The following TCEA1 variants were observed in gnomAD, a reference collection of about 807,000 sequenced individuals.
The protein encoded by TCEA1 is transcription elongation factor A1.
Under a neutral mutation model 43.8 loss-of-function variants are expected in TCEA1, and 21 were observed. The observed-to-expected ratio is 0.48, with a 90% CI of 0.34 to 0.69. The LOEUF (loss-of-function observed/expected upper bound fraction) is 0.69. Ranked by LOEUF, TCEA1 falls within the 30% of genes least tolerant of loss-of-function variation. TCEA1 has a pLI of 0.01. For synonymous variants in TCEA1, 104 were observed against 117.5 expected (o/e 0.88, Z 0.75); for missense variants, 250 against 365.1 (o/e 0.68, Z 2.57).
At chr8:53,986,308 C>T (rs976535191) in intron 6 of TCEA1, among the ~76,000 whole-genome samples, 1 of 152,174 alleles carries the variant, frequency 6.6e-6, no homozygotes, top group African/African-American at 2.4e-5. Flanking sequence ...CCTCAGCTAG[C>T]CTGTGATGAA....
At chr8:53,993,645 T>C (rs752297173) in intron 4 of TCEA1, 23 bp downstream of exon 4, 26 of 1,569,626 alleles carry the variant, frequency 1.7e-5, no homozygotes, top group Non-Finnish European at 2.1e-5. Flanking sequence ...TCAATATAAA[T>C]ATATGTCTAT....
chr8:54,004,503 T>G (rs1279360011), intron 2 of TCEA1, among the ~76,000 whole-genome samples: 1 of 152,192 alleles, frequency 6.6e-6, no homozygotes, highest in African/African-American at 2.4e-5. Flanking sequence ...AACATTAAGC[T>G]AAGTGACAGA....
chr8:54,012,506 C>G (rs1183866797), intron 1 of TCEA1, among the ~76,000 whole-genome samples: 1 of 152,180 alleles, frequency 6.6e-6, no homozygotes, highest in African/African-American at 2.4e-5. Flanking sequence ...TTGCAGTGAG[C>G]CGAGATCGCG....
intron 3 of TCEA1, among the ~76,000 whole-genome samples, chr8:53,996,545 C>A (rs748755533): frequency 1.2e-4 from 19 of 152,054 alleles, no homozygotes; most frequent in Non-Finnish European, 1.9e-4. Context: ...ATCTAGCTAA[C>A]AATGTAAAGA....
chr8:53,986,435 A>C (rs765930365), intron 6 of TCEA1, among the ~76,000 whole-genome samples: 15 of 152,256 alleles, frequency 9.9e-5, no homozygotes, highest in Non-Finnish European at 1.6e-4. Flanking sequence ...CTGTCCTGCC[A>C]AGTACATAAA....
intron 2 of TCEA1, among the ~76,000 whole-genome samples, chr8:54,002,231 G>C (rs1804292724): frequency 2.0e-5 from 3 of 151,950 alleles, no homozygotes; most frequent in Admixed American, 2.0e-4. Context: ...CAGCACTCTG[G>C]GAGGCCGAGG....
intron 2 of TCEA1, among the ~76,000 whole-genome samples, chr8:54,001,705 G>A (rs1804269655): frequency 6.6e-6 from 1 of 152,154 alleles, no homozygotes; most frequent in African/African-American, 2.4e-5. Context: ...GTGTACTGCT[G>A]GGTGATTGCT....
intron 8 of TCEA1, chr8:53,973,233 A>G: frequency 2.1e-6 from 1 of 475,098 alleles, no homozygotes. Flanking sequence ...CAAGAAAAAG[A>G]AAAGAAAGAC....
At chr8:54,010,520 A>T in intron 1 of TCEA1, 28 bp from the exon 2 acceptor site, 2 of 1,536,858 alleles carry the variant, frequency 1.3e-6, no homozygotes, top group Non-Finnish European at 1.8e-6. Flanking sequence ...TTCATATTGA[A>T]TTCCCAAGAT....
In TCEA1 at chr8:54,022,273, G is replaced by C. The variant is rs1447744077; in HGVS notation, c.-148C>G. On this transcript the variant is annotated 5_prime_UTR_variant, in exon 1 of 10. Coordinates refer to ENST00000521604, the MANE Select transcript of TCEA1 (RefSeq NM_006756.4). ...CTAGGCCCCCTTCCTTACGAACGAA[G>C]CCCGCGGCGGCGGCGGCGGCGGCGG... 1 of 998,204 alleles carries C rather than the reference G, an allele frequency of 1.0e-6. No homozygotes were observed. Among genetic ancestry groups the C allele is most frequent in the Non-Finnish European group, 1.5e-6 (1 of 677,730 alleles). The allele number at this position is 998,204 out of a possible 1,614,324, so 61.8% of individuals were successfully genotyped here.
intron 2 of TCEA1, among the ~76,000 whole-genome samples, chr8:54,005,614 C>A (rs1804413079): frequency 7.5e-6 from 1 of 133,282 alleles, no homozygotes; most frequent in African/African-American, 2.5e-5. Flanking sequence ...CTCAGTCATC[C>A]TAAATTCCTC....
In TCEA1 at chr8:53,993,715, T is replaced by C. The variant is rs1332942367; in HGVS notation, c.273A>G (p.Lys91=). 1.4e-5 allele frequency: 23 copies of C among 1,613,764 alleles called. No individual in the cohort carries two copies. The highest frequency in any genetic ancestry group is 1.8e-5 in the Non-Finnish European group (21 of 1,179,838). Residue 91 remains lysine (K), a synonymous_variant, in exon 4 of 10, where the codon AAA becomes AAG. Coordinates refer to ENST00000521604, the MANE Select transcript of TCEA1 (RefSeq NM_006756.4). ...STEKDLDEKK[K]EPAITSQNSP... Reference sequence around the variant, plus strand: ...TGTTCTGCGATGTAATTGCAGGTTCTTTCTTCTTTTCGTCAAGGTCTTTCT... The same window carrying C: ...TGTTCTGCGATGTAATTGCAGGTTCCTTCTTCTTTTCGTCAAGGTCTTTCT...
rs574899519 is a variant in TCEA1 at position 53,993,759 on chromosome 8, A to G, written c.233-4T>C. ...TCTTTCTCAGTTGATGGCCCATCTG[A>G]AAATTATGAAATCTCTTAAGTTGCT... On this transcript the variant is annotated splice_polypyrimidine_tract_variant and splice_region_variant and intron_variant, in intron 3 of 9. Coordinates refer to ENST00000521604, the MANE Select transcript of TCEA1 (RefSeq NM_006756.4). The G allele has an allele frequency of 4.2e-5, 67 of 1,607,992 alleles. 1 individual carries two copies. In the South Asian group the frequency reaches 7.2e-4, roughly 17 times the overall value.
In TCEA1 at chr8:53,981,377, C is replaced by T. The variant is rs192737072; in HGVS notation, c.679-2206G>A. ...AAGCCTCAAAGGACTTTGAAGGACT[C>T]TCTTGTTAGGGGCTAAAGCATCTGG... is the stretch of plus-strand genomic sequence containing the variant. On this transcript the variant is annotated intron_variant, in intron 7 of 9. Coordinates refer to ENST00000521604, the MANE Select transcript of TCEA1 (RefSeq NM_006756.4). Among the ~76,000 whole-genome samples the T allele has an allele frequency of 3.1e-3, 467 of 152,300 alleles. 3 individuals are homozygous for T. The highest frequency in any genetic ancestry group is 8.5e-3 in the South Asian group (41 of 4,822).
intron 7 of TCEA1, among the ~76,000 whole-genome samples, chr8:53,979,994 C>T (rs1433381126): frequency 6.6e-6 from 1 of 152,150 alleles, no homozygotes; most frequent in East Asian, 1.9e-4. Flanking sequence ...TTCAGGGAGA[C>T]TAATGTGAGT....
At chr8:54,010,054 G>A in intron 2 of TCEA1, 1 of 194,300 alleles carries the variant, frequency 5.1e-6, no homozygotes, top group Non-Finnish European at 1.0e-5. Context: ...AAAAAAAAAG[G>A]GAGAGGAGCG....
chr8:54,012,600 C>G (rs555181348), intron 1 of TCEA1, among the ~76,000 whole-genome samples: 131 of 152,242 alleles, frequency 8.6e-4, no homozygotes, highest in Middle Eastern at 6.8e-3. Context: ...ATGTTAATGT[C>G]TGGTTGCTGA....
intron 1 of TCEA1, among the ~76,000 whole-genome samples, chr8:54,012,813 A>T (rs1804693106): frequency 6.6e-6 from 1 of 152,090 alleles, no homozygotes; most frequent in Admixed American, 6.6e-5. Flanking sequence ...TAGTGCCTGT[A>T]GTCCTAGCTA....
At chr8:53,986,332 T>C (rs545156136) in intron 6 of TCEA1, among the ~76,000 whole-genome samples, 2 of 152,354 alleles carry the variant, frequency 1.3e-5, no homozygotes, top group African/African-American at 2.4e-5. Context: ...ATAGGACAAA[T>C]ACATTCCTGT....
Sources: allele counts gnomAD v4.1 joint callset (sites outside exome capture counted in the v4.1 genomes callset), GRCh38; gene constraint gnomAD v4.1.1; transcripts MANE v1.5; gene names NCBI Gene and HGNC (gene_info 2026-07-23, HGNC 2026-07-21).